ZNF514: variants seen among roughly 807,000 people sequenced by gnomAD.
ZNF514 encodes the protein zinc finger protein 514.
In ZNF514, 12 loss-of-function variants were observed where a neutral mutation model predicts 9.7. The observed-to-expected ratio is 1.24, with a 90% CI of 0.79 to 2.01. ZNF514 has a LOEUF of 2.01. Among genes scored for constraint, ZNF514 ranks in the 30% most tolerant of loss-of-function variants. ZNF514 has a pLI of 0.00. For missense variants in ZNF514, 467 were observed against 465.5 expected (o/e 1.00, Z -0.03); for synonymous variants, 158 against 163.7 (o/e 0.97, Z 0.27).
chr2:95,127,026 C>T, the ZNF514 span, among the ~76,000 whole-genome samples: 1 of 152,124 alleles, frequency 6.6e-6, no homozygotes, highest in Non-Finnish European at 1.5e-5. Context: ...TGTGACATTT[C>T]GGGTCTCCAG....
rs139997911 is a variant in ZNF514, at chr2:95,145,516, C to G, written c.*3766G>C. ...TTCTGGCTTCATCTCACAGTAAGAA[C>G]CTTGGTCTCCACAACACCTTATCTT... On this transcript the variant is annotated 3_prime_UTR_variant, in exon 5 of 5. Transcript: ENST00000295208. 6.6e-6 allele frequency among the ~76,000 whole-genome samples: 1 copy of G among 152,262 alleles called. No homozygotes were observed. The highest frequency in any genetic ancestry group is 2.4e-5 in the African/African-American group (1 of 41,556).
chr2:95,157,087 G>A (rs1231875462), intron 2 of ZNF514, among the ~76,000 whole-genome samples: 6 of 152,146 alleles, frequency 3.9e-5, no homozygotes, highest in Non-Finnish European at 8.8e-5. Flanking sequence ...TCAAGGCCAG[G>A]GCTGTCACAT....
chr2:95,150,379 A>T, intron 4 of ZNF514, 112 bp from the exon 5 acceptor site: 1 of 1,218,770 alleles, frequency 8.2e-7, no homozygotes, highest in Non-Finnish European at 1.1e-6. Flanking sequence ...TTAAAATAAC[A>T]CCTAAAAGGG....
chr2:95,150,506 C>T (rs1673509352), intron 4 of ZNF514, among the ~76,000 whole-genome samples: 1 of 151,948 alleles, frequency 6.6e-6, no homozygotes, highest in African/African-American at 2.4e-5. Flanking sequence ...GTTTAGATTC[C>T]AGTACACAAG....
downstream of ZNF514, among the ~76,000 whole-genome samples, chr2:95,140,168 G>A (rs190442824): frequency 6.6e-6 from 1 of 152,102 alleles, no homozygotes; most frequent in African/African-American, 2.4e-5. Context: ...AGCATTAGGA[G>A]AAATACCTAA....
the ZNF514 span, among the ~76,000 whole-genome samples, chr2:95,133,194 C>G: frequency 3.3e-5 from 5 of 152,234 alleles, no homozygotes; most frequent in South Asian, 1.0e-3. Context: ...CTTGGCCAGG[C>G]AAGATGGCTC....
Position 95,159,703 on chromosome 2 carries a change from AGCCCCCGCGTCCG to A in ZNF514, c.-572_-560del, listed in dbSNP as rs1326724010. On this transcript the variant is annotated 5_prime_UTR_variant, in exon 1 of 5. Coordinates refer to ENST00000295208, the MANE Select transcript of ZNF514 (RefSeq NM_032788.3). The stretch of plus-strand genomic sequence containing the variant: ...CCAGCCCCCGCGTCCGCCCCGCGCC[AGCCCCCGCGTCCG>A]CCCCGCGCCAGCCCCCGCGTCCGCC... 5.8e-4 allele frequency: 74 copies of A among 127,498 alleles called. No homozygotes were observed. The highest frequency in any genetic ancestry group is 1.8e-3 in the African/African-American group (63 of 34,382). 7.9% of individuals were successfully genotyped at this position (127,498 alleles called of 1,614,324 possible).
At chr2:95,129,391 G>T in the ZNF514 span, among the ~76,000 whole-genome samples, 1 of 152,040 alleles carries the variant, frequency 6.6e-6, no homozygotes, top group African/African-American at 2.4e-5. Flanking sequence ...CTTGATGAAG[G>T]CTCCATTCTC....
the ZNF514 span, among the ~76,000 whole-genome samples, chr2:95,129,236 A>G: frequency 2.0e-5 from 3 of 152,216 alleles, no homozygotes; most frequent in South Asian, 2.1e-4. Flanking sequence ...AAGCTTTTTA[A>G]TCTCTGGAAA....
downstream of ZNF514, among the ~76,000 whole-genome samples, chr2:95,144,868 A>T (rs993964610): frequency 3.9e-5 from 6 of 152,156 alleles, no homozygotes; most frequent in African/African-American, 1.4e-4. Flanking sequence ...TGGTATCAGA[A>T]GTCATCACAG....
At chr2:95,138,050 C>A in the ZNF514 span, among the ~76,000 whole-genome samples, 24 of 152,322 alleles carry the variant, frequency 1.6e-4, no homozygotes, top group African/African-American at 5.5e-4. Flanking sequence ...GCTTCCTGAG[C>A]CCATACCCAG....
chr2:95,138,838 T>TA, the ZNF514 span, among the ~76,000 whole-genome samples: 8 of 152,200 alleles, frequency 5.3e-5, no homozygotes, highest in South Asian at 2.1e-4. Context: ...AAAAAGCCTC[T>TA]AAGGCATTTC....
At chr2:95,141,640 T>C (rs551693693), downstream of ZNF514, among the ~76,000 whole-genome samples, 1 of 152,300 alleles carries the variant, frequency 6.6e-6, no homozygotes, top group East Asian at 1.9e-4. Context: ...AATCATAAGA[T>C]TTTGTCTACT....
downstream of ZNF514, among the ~76,000 whole-genome samples, chr2:95,140,562 G>A (rs983206297): frequency 7.2e-5 from 11 of 152,072 alleles, no homozygotes; most frequent in Non-Finnish European, 1.3e-4. Flanking sequence ...GCAGTAAGCC[G>A]AGACTGCACC....
chr2:95,143,739 G>C (rs1673299478), downstream of ZNF514, among the ~76,000 whole-genome samples: 1 of 152,214 alleles, frequency 6.6e-6, no homozygotes, highest in South Asian at 2.1e-4. Flanking sequence ...TACTATTCAT[G>C]GTGGGCCACA....
the ZNF514 span, among the ~76,000 whole-genome samples, chr2:95,135,301 GC>G: frequency 1.3e-5 from 2 of 151,590 alleles, no homozygotes; most frequent in African/African-American, 4.8e-5. Flanking sequence ...AATATGTTTT[GC>G]CACTTCTTTT....
chr2:95,128,643 A>G, the ZNF514 span, among the ~76,000 whole-genome samples: 2 of 151,152 alleles, frequency 1.3e-5, no homozygotes, highest in Non-Finnish European at 3.0e-5. Flanking sequence ...AGAAGAAGAA[A>G]GAAAAAGGAG....
chr2:95,159,161 C>A, intron 1 of ZNF514, 79 bp downstream of exon 1: 1 of 449,566 alleles, frequency 2.2e-6, no homozygotes, highest in Non-Finnish European at 3.3e-6. Context: ...CAGAGCAGGG[C>A]CGGCAAACCC....
At chr2:95,130,676 A>G in the ZNF514 span, among the ~76,000 whole-genome samples, 1 of 152,236 alleles carries the variant, frequency 6.6e-6, no homozygotes, top group African/African-American at 2.4e-5. Context: ...TGCCCGGCTC[A>G]CCGGCAGTCA....
Sources: gnomAD v4.1 joint callset for allele counts (sites outside exome capture counted in the v4.1 genomes callset) on GRCh38, gnomAD v4.1.1 for gene constraint, MANE v1.5 for transcripts, NCBI Gene and HGNC (gene_info 2026-07-23, HGNC 2026-07-21) for gene names.